Variants in CHST11 observed in about 807,000 individuals in gnomAD.
CHST11 encodes the protein C4S-1.
CHST11 carries 9 observed loss-of-function variants against 30.4 expected under a neutral mutation model. That is an observed-to-expected ratio of 0.30 (90% CI 0.18 to 0.52). The LOEUF (loss-of-function observed/expected upper bound fraction) is 0.52. Among genes scored for constraint, CHST11 ranks in the 20% least tolerant of loss-of-function variants. CHST11 has a pLI of 0.97. For missense variants in CHST11, 348 were observed against 460.6 expected (o/e 0.76, Z 2.24); for synonymous variants, 152 against 187.8 (o/e 0.81, Z 1.56).
intron 2 of CHST11, among the ~76,000 whole-genome samples, chr12:104,617,574 T>C (rs958794504): frequency 6.6e-6 from 1 of 152,204 alleles, no homozygotes; most frequent in Non-Finnish European, 1.5e-5. Flanking sequence ...TTTGAGCAAG[T>C]AATTCAACTT....
At chr12:104,636,113 G>C (rs2039320978) in intron 2 of CHST11, among the ~76,000 whole-genome samples, 1 of 152,206 alleles carries the variant, frequency 6.6e-6, no homozygotes, top group Non-Finnish European at 1.5e-5. Context: ...TTGAGGCCTG[G>C]AGAGTTCAGT....
chr12:104,697,785 A>G (rs917715624), intron 2 of CHST11, among the ~76,000 whole-genome samples: 4 of 152,334 alleles, frequency 2.6e-5, no homozygotes, highest in African/African-American at 9.6e-5. Flanking sequence ...CCAGAGTTCA[A>G]CATCATCTTT....
chr12:104,583,252 G>T, intron 1 of CHST11, among the ~76,000 whole-genome samples: 1 of 152,128 alleles, frequency 6.6e-6, no homozygotes, highest in East Asian at 1.9e-4. Flanking sequence ...AAAATTGTGA[G>T]TGTTTCCCTG....
chr12:104,573,297 T>C (rs1374759418), intron 1 of CHST11, among the ~76,000 whole-genome samples: 2 of 152,162 alleles, frequency 1.3e-5, no homozygotes, highest in Admixed American at 6.5e-5. Context: ...AGGTAAGTTA[T>C]AGATTCAGTG....
chr12:104,641,956 G>A lies in CHST11; in HGVS notation c.204+39965G>A, dbSNP rs115118972. Among the ~76,000 whole-genome samples, 583 of 152,308 alleles carry A rather than the reference G, an allele frequency of 3.8e-3. 6 individuals carry two copies. Among genetic ancestry groups the A allele is most frequent in the African/African-American group, 0.013 (541 of 41,552 alleles). On this transcript the variant is annotated intron_variant, in intron 2 of 2. Coordinates refer to ENST00000303694, the MANE Select transcript of CHST11 (RefSeq NM_018413.6). Reference sequence around the variant, plus strand: ...CCAGGGAGGACATTTGGCAACATCCGAAGATAGTTTTGATTGTCAGAGCTG... The same window carrying A: ...CCAGGGAGGACATTTGGCAACATCCAAAGATAGTTTTGATTGTCAGAGCTG...
chr12:104,679,347 G>T (rs768830906), intron 2 of CHST11, among the ~76,000 whole-genome samples: 1 of 151,636 alleles, frequency 6.6e-6, no homozygotes, highest in African/African-American at 2.4e-5. Context: ...GAGACCGAGG[G>T]CATATACGTT....
chr12:104,641,074 A>C (rs1395616813), intron 2 of CHST11, among the ~76,000 whole-genome samples: 1 of 152,312 alleles, frequency 6.6e-6, no homozygotes, highest in East Asian at 1.9e-4. Context: ...ATAGCTTTAG[A>C]GATGAGTCCA....
At position 104,483,286 on chromosome 12, in the gene CHST11, A is replaced by G. The variant is rs572634429; in HGVS notation, c.118+25757A>G. 5.9e-5 allele frequency among the ~76,000 whole-genome samples: 9 copies of G among 152,122 alleles called. No individual in the cohort carries two copies. The East Asian group carries it at 1.5e-3, about 26-fold the overall frequency. On this transcript the variant is annotated intron_variant, in intron 1 of 2. Coordinates refer to ENST00000303694, the MANE Select transcript of CHST11 (RefSeq NM_018413.6). ...AGTGACGTGATCTCAGCTCACTGCA[A>G]CCTCTGCTTCCTGGGTTCAAGAGAT... is the stretch of plus-strand genomic sequence containing the variant.
At chr12:104,619,550 C>G (rs1395048716) in intron 2 of CHST11, among the ~76,000 whole-genome samples, 2 of 152,102 alleles carry the variant, frequency 1.3e-5, no homozygotes, top group African/African-American at 4.8e-5. Context: ...CTTCTAAGCC[C>G]CAACCAAGAG....
intron 1 of CHST11, among the ~76,000 whole-genome samples, chr12:104,520,275 A>T (rs1209427448): frequency 6.6e-6 from 1 of 152,156 alleles, no homozygotes; most frequent in African/African-American, 2.4e-5. Flanking sequence ...ATCTCTCAGG[A>T]TCTTACATGC....
intron 1 of CHST11, among the ~76,000 whole-genome samples, chr12:104,488,634 T>C (rs571968271): frequency 1.2e-4 from 17 of 142,108 alleles, no homozygotes; most frequent in East Asian, 4.6e-4. Context: ...TGTATGTGTG[T>C]GTGCGTGTGT....
At chr12:104,589,965 C>T (rs182366112) in intron 1 of CHST11, among the ~76,000 whole-genome samples, 112 of 151,998 alleles carry the variant, frequency 7.4e-4, no homozygotes, top group African/African-American at 2.3e-3. Flanking sequence ...GCCAAGATGG[C>T]GCCACTGCAC....
chr12:104,519,581 T>C (rs2038056927), intron 1 of CHST11, among the ~76,000 whole-genome samples: 1 of 152,186 alleles, frequency 6.6e-6, no homozygotes, highest in Non-Finnish European at 1.5e-5. Flanking sequence ...CTCTTAAGGC[T>C]GTCACTTGTC....
intron 1 of CHST11, among the ~76,000 whole-genome samples, chr12:104,579,169 G>A (rs951467817): frequency 1.3e-5 from 2 of 152,176 alleles, no homozygotes; most frequent in African/African-American, 4.8e-5. Flanking sequence ...GGCGAGGGTT[G>A]GGTCTGTTTC....
intron 1 of CHST11, among the ~76,000 whole-genome samples, chr12:104,494,305 C>T (rs2037778841): frequency 1.3e-5 from 2 of 152,154 alleles, no homozygotes. Flanking sequence ...GTGAGCTGAC[C>T]CCTCTGGCCT....
chr12:104,572,891 G>A (rs529050713), intron 1 of CHST11, among the ~76,000 whole-genome samples: 2 of 152,162 alleles, frequency 1.3e-5, no homozygotes, highest in Non-Finnish European at 2.9e-5. Flanking sequence ...AGGAAATAAA[G>A]GGTATTCAAT....
intron 1 of CHST11, among the ~76,000 whole-genome samples, chr12:104,538,122 A>C (rs980406272): frequency 6.6e-6 from 1 of 152,220 alleles, no homozygotes; most frequent in African/African-American, 2.4e-5. Flanking sequence ...TTCTTATTCC[A>C]GAATTCCATG....
intron 2 of CHST11, among the ~76,000 whole-genome samples, chr12:104,679,006 C>T (rs1456871207): frequency 3.3e-5 from 5 of 152,174 alleles, no homozygotes; most frequent in Admixed American, 3.3e-4. Context: ...TGAGATTCTC[C>T]AGACAAAACC....
intron 2 of CHST11, among the ~76,000 whole-genome samples, chr12:104,664,076 A>T (rs538447254): frequency 6.6e-6 from 1 of 152,320 alleles, no homozygotes; most frequent in East Asian, 1.9e-4. Context: ...CCAGCGAGCT[A>T]TCTAGCAGAT....
Sources: allele counts gnomAD v4.1 joint callset (sites outside exome capture counted in the v4.1 genomes callset), GRCh38; gene constraint gnomAD v4.1.1; transcripts MANE v1.5; gene names NCBI Gene and HGNC (gene_info 2026-07-23, HGNC 2026-07-21).